FBXL5: variants seen among roughly 807,000 people sequenced by gnomAD.
FBXL5 encodes the protein F-box/LRR-repeat protein 5.
Under a neutral mutation model 78.3 loss-of-function variants are expected in FBXL5, and 26 were observed. The ratio of observed to expected loss-of-function variants is 0.33; its 90% CI spans 0.24 to 0.46. FBXL5 has a LOEUF of 0.46. FBXL5 is among the 20% of genes least tolerant of loss of function. FBXL5 has a pLI of 1.00. For missense variants in FBXL5, 710 were observed against 829.2 expected (o/e 0.86, Z 1.77); for synonymous variants, 295 against 282.5 (o/e 1.04, Z -0.45).
chr4:15,617,562 AG>A (rs1350171743), intron 9 of FBXL5, among the ~76,000 whole-genome samples: 2 of 151,074 alleles, frequency 1.3e-5, no homozygotes, highest in Non-Finnish European at 3.0e-5. Context: ...AAAAAAAAAA[AG>A]AAAGAAAACG....
chr4:15,635,077 A>ATT (rs1714106389), intron 5 of FBXL5, among the ~76,000 whole-genome samples: 1 of 152,196 alleles, frequency 6.6e-6, no homozygotes, highest in Non-Finnish European at 1.5e-5. Context: ...CAAGCCCGTA[A>ATT]TCCCAGCACT....
At chr4:15,656,634 A>G (rs555726074), upstream of FBXL5, among the ~76,000 whole-genome samples, 2 of 152,358 alleles carry the variant, frequency 1.3e-5, no homozygotes, top group East Asian at 1.9e-4. Context: ...GTTAAACCAC[A>G]GACTCTGGAA....
chr4:15,677,294 G>C (rs1392763292), intron 1 of FBXL5, among the ~76,000 whole-genome samples: 1 of 152,050 alleles, frequency 6.6e-6, no homozygotes, highest in Non-Finnish European at 1.5e-5. Flanking sequence ...CTTTGTCCTT[G>C]GTTCCTGGAA....
At chr4:15,655,425 C>G (rs1716790154), upstream of FBXL5, 1 of 992,300 alleles carries the variant, frequency 1.0e-6, no homozygotes, top group Non-Finnish European at 1.2e-6. Context: ...GCTTGGCCGG[C>G]GGGGACGCGG....
At chr4:15,651,720 T>G (rs1348249966) in intron 1 of FBXL5, among the ~76,000 whole-genome samples, 1 of 152,218 alleles carries the variant, frequency 6.6e-6, no homozygotes, top group East Asian at 1.9e-4. Context: ...AATAAATGTA[T>G]AAATAAATTC....
At chr4:15,641,545 A>G in intron 2 of FBXL5, 1 of 446,188 alleles carries the variant, frequency 2.2e-6, no homozygotes, top group Non-Finnish European at 4.5e-6. Context: ...AATCCAGTAT[A>G]TATATTTTAC....
chr4:15,637,992 C>T (rs1460932625), intron 4 of FBXL5, among the ~76,000 whole-genome samples: 2 of 150,916 alleles, frequency 1.3e-5, no homozygotes, highest in African/African-American at 4.9e-5. Flanking sequence ...CTCTAGTACT[C>T]ATTCCTCTGA....
chr4:15,673,230 A>G (rs1255826706), intron 1 of FBXL5, among the ~76,000 whole-genome samples: 1 of 152,200 alleles, frequency 6.6e-6, no homozygotes, highest in African/African-American at 2.4e-5. Context: ...GCTTGAGCCC[A>G]CAAGTTTGAA....
At chr4:15,629,591 T>C (rs1423258822) in intron 6 of FBXL5, among the ~76,000 whole-genome samples, 1 of 152,134 alleles carries the variant, frequency 6.6e-6, no homozygotes, top group Non-Finnish European at 1.5e-5. Flanking sequence ...AGTTTTGTTT[T>C]GCTTTTTTCC....
At chr4:15,676,782 A>T (rs1181700870) in intron 1 of FBXL5, among the ~76,000 whole-genome samples, 1 of 152,152 alleles carries the variant, frequency 6.6e-6, no homozygotes, top group African/African-American at 2.4e-5. Flanking sequence ...TGTATATTTG[A>T]ACACTTTCAG....
At chr4:15,642,810 A>G (rs1010153396) in intron 2 of FBXL5, among the ~76,000 whole-genome samples, 5 of 152,204 alleles carry the variant, frequency 3.3e-5, no homozygotes, top group Non-Finnish European at 5.9e-5. Flanking sequence ...CATCTGGATT[A>G]CACAAGCAGT....
chr4:15,639,475 A>G (rs1714614920), intron 3 of FBXL5, among the ~76,000 whole-genome samples: 1 of 152,222 alleles, frequency 6.6e-6, no homozygotes, highest in Non-Finnish European at 1.5e-5. Flanking sequence ...GTTCCCTCAA[A>G]TCATTATTTT....
intron 4 of FBXL5, among the ~76,000 whole-genome samples, chr4:15,637,034 A>C (rs1427001428): frequency 6.6e-6 from 1 of 152,230 alleles, no homozygotes; most frequent in Non-Finnish European, 1.5e-5. Flanking sequence ...TAAATCAACA[A>C]GTATAGAGTC....
chr4:15,660,613 A>G (rs1560247577), upstream of FBXL5, among the ~76,000 whole-genome samples: 1 of 152,344 alleles, frequency 6.6e-6, no homozygotes, highest in East Asian at 1.9e-4. Context: ...TCACTTGGCC[A>G]TTCTGGAGCC....
chr4:15,628,791 A>G (rs1018086966), intron 6 of FBXL5, among the ~76,000 whole-genome samples: 9 of 78,422 alleles, frequency 1.1e-4, no homozygotes, highest in Non-Finnish European at 1.7e-4. Context: ...ACACACACGC[A>G]CACACACACA....
chr4:15,667,175 G>C (rs79423793), intron 1 of FBXL5, among the ~76,000 whole-genome samples: 1 of 152,188 alleles, frequency 6.6e-6, no homozygotes, highest in Non-Finnish European at 1.5e-5. Flanking sequence ...CTGAATACAC[G>C]TCGTAGTACT....
intron 5 of FBXL5, among the ~76,000 whole-genome samples, chr4:15,631,809 G>C (rs1713702059): frequency 6.6e-6 from 1 of 152,082 alleles, no homozygotes; most frequent in Admixed American, 6.6e-5. Context: ...GTAGATTCTG[G>C]ATATTAGCCC....
chr4:15,650,133 AC>A lies in FBXL5; in HGVS notation c.84+5070del, dbSNP rs200403939. Among the ~76,000 whole-genome samples, 834 of 152,318 alleles carry A rather than the reference AC, an allele frequency of 5.5e-3. 7 individuals carry two copies. The highest frequency in any genetic ancestry group is 0.019 in the African/African-American group (801 of 41,562). On this transcript the variant is annotated intron_variant, in intron 1 of 10. Transcript: ENST00000341285. ...TTTTGGTTGTCACCACCGGAAATGT[AC>A]TACTGACACCTAGTGGATAAAACCC...
chr4:15,652,373 T>C (rs1255157268), intron 1 of FBXL5, among the ~76,000 whole-genome samples: 3 of 152,202 alleles, frequency 2.0e-5, no homozygotes, highest in Admixed American at 1.3e-4. Context: ...TTATGTAACC[T>C]TGGCCTAGCT....
Sources: gnomAD v4.1 joint callset for allele counts (sites outside exome capture counted in the v4.1 genomes callset) on GRCh38, gnomAD v4.1.1 for gene constraint, MANE v1.5 for transcripts, NCBI Gene and HGNC (gene_info 2026-07-23, HGNC 2026-07-21) for gene names.